Variants in GRB14 observed in about 807,000 individuals in gnomAD.
GRB14 encodes the protein growth factor receptor bound protein 14.
Under a neutral mutation model 69.1 loss-of-function variants are expected in GRB14, and 38 were observed. The ratio of observed to expected loss-of-function variants is 0.55; its 90% CI spans 0.42 to 0.72. The LOEUF is 0.72. Ranked by LOEUF, GRB14 falls within the 30% of genes least tolerant of loss-of-function variation. The pLI is 0.00. For synonymous variants in GRB14, 247 were observed against 241.3 expected, an observed-to-expected ratio of 1.02 and a Z score of -0.22; for missense variants, 666 against 666.1, an observed-to-expected ratio of 1.00 and a Z score of 0.00.
intron 2 of GRB14, among the ~76,000 whole-genome samples, chr2:164,605,248 A>G (rs1421126655): frequency 6.6e-6 from 1 of 152,172 alleles, no homozygotes; most frequent in Non-Finnish European, 1.5e-5. Context: ...ATGAGGAGAG[A>G]GAAATAAAGA....
At chr2:164,531,109 A>G (rs1228343946) in intron 3 of GRB14, among the ~76,000 whole-genome samples, 2 of 152,206 alleles carry the variant, frequency 1.3e-5, no homozygotes, top group Admixed American at 6.5e-5. Flanking sequence ...GGAAGACATC[A>G]AGGTTCTCAG....
chr2:164,521,430 G>A (rs1375303177), intron 6 of GRB14, among the ~76,000 whole-genome samples: 1 of 152,050 alleles, frequency 6.6e-6, no homozygotes, highest in African/African-American at 2.4e-5. Context: ...GCCTGTTGAT[G>A]CGTGCACCAA....
chr2:164,588,683 G>T (rs1229642458), intron 2 of GRB14, among the ~76,000 whole-genome samples: 9 of 152,116 alleles, frequency 5.9e-5, no homozygotes, highest in Non-Finnish European at 1.5e-5. Flanking sequence ...AGTTATTCAG[G>T]TAGACCTCCT....
intron 2 of GRB14, among the ~76,000 whole-genome samples, chr2:164,606,696 G>GA (rs1690048983): frequency 6.6e-6 from 1 of 152,146 alleles, no homozygotes; most frequent in Admixed American, 6.5e-5. Flanking sequence ...ATGACCTACA[G>GA]AGTGTTCCAG....
At chr2:164,602,501 C>T (rs1689941925) in intron 2 of GRB14, among the ~76,000 whole-genome samples, 1 of 152,086 alleles carries the variant, frequency 6.6e-6, no homozygotes, top group Non-Finnish European at 1.5e-5. Flanking sequence ...ACTTGGTTTA[C>T]ACGTACTTCA....
chr2:164,563,705 G>A (rs1157020223), intron 2 of GRB14, among the ~76,000 whole-genome samples: 1 of 152,188 alleles, frequency 6.6e-6, no homozygotes, highest in Non-Finnish European at 1.5e-5. Flanking sequence ...CTTGTAAAGT[G>A]AAAGAAAAAT....
At chr2:164,584,136 C>T (rs531195200) in intron 2 of GRB14, among the ~76,000 whole-genome samples, 3 of 148,314 alleles carry the variant, frequency 2.0e-5, no homozygotes, top group Non-Finnish European at 3.0e-5. Flanking sequence ...GCATCCACCA[C>T]CAGCCTGGCT....
intron 2 of GRB14, among the ~76,000 whole-genome samples, chr2:164,554,675 T>C (rs531393707): frequency 6.6e-6 from 1 of 152,226 alleles, no homozygotes; most frequent in East Asian, 1.9e-4. Context: ...ACATGGCACC[T>C]AGCAATGCAA....
chr2:164,574,939 A>G (rs77727422), intron 2 of GRB14, among the ~76,000 whole-genome samples: 1 of 142,632 alleles, frequency 7.0e-6, no homozygotes, highest in African/African-American at 2.5e-5. Context: ...CAAAATGAAG[A>G]AAAAAAAAAA....
In GRB14 at chr2:164,508,891, C is replaced by T. The variant is rs201181988; in HGVS notation, c.817-39G>A. 72 of 1,371,924 alleles carry T rather than the reference C, an allele frequency of 5.2e-5. No individual in the cohort carries two copies. In the African/African-American group the frequency reaches 9.5e-4, roughly 18 times the overall value. The allele number at this position is 1,371,924 out of a possible 1,614,324, so 85.0% of individuals were successfully genotyped here. ...GTATTGACATGGATACATATTTTTG[C>T]ATTATCTTTTTTGTGTGTTTATATT... On this transcript the variant is annotated intron_variant, in intron 6 of 13. Transcript: ENST00000263915.
intron 9 of GRB14, among the ~76,000 whole-genome samples, chr2:164,498,565 A>C (rs1007014136): frequency 6.6e-6 from 1 of 152,172 alleles, no homozygotes; most frequent in African/African-American, 2.4e-5. Flanking sequence ...ACACCCATGG[A>C]AAATAACAGT....
chr2:164,593,944 G>C (rs1689727080), intron 2 of GRB14, among the ~76,000 whole-genome samples: 1 of 152,150 alleles, frequency 6.6e-6, no homozygotes, highest in Non-Finnish European at 1.5e-5. Flanking sequence ...AGGAAAAACA[G>C]AATGTTTTCA....
intron 2 of GRB14, among the ~76,000 whole-genome samples, chr2:164,608,369 TA>T (rs567652340): frequency 4.0e-5 from 6 of 148,878 alleles, no homozygotes; most frequent in South Asian, 2.2e-4. Flanking sequence ...AGACTCCCTC[TA>T]AAAAAAAAGC....
intron 6 of GRB14, among the ~76,000 whole-genome samples, chr2:164,514,112 A>G (rs1050417617): frequency 2.0e-5 from 3 of 152,252 alleles, no homozygotes; most frequent in Non-Finnish European, 2.9e-5. Flanking sequence ...CCCTGATGAC[A>G]GCATCATAAC....
intron 9 of GRB14, among the ~76,000 whole-genome samples, chr2:164,500,125 G>A (rs1205513416): frequency 2.6e-5 from 4 of 152,054 alleles, no homozygotes; most frequent in South Asian, 2.1e-4. Flanking sequence ...GAGTAGACTC[G>A]CCTTCCCCAA....
intron 2 of GRB14, among the ~76,000 whole-genome samples, chr2:164,618,304 C>T (rs1457970684): frequency 2.0e-5 from 3 of 151,538 alleles, no homozygotes; most frequent in African/African-American, 7.3e-5. Context: ...CCATGGCACA[C>T]AGTCAAATCT....
At chr2:164,583,864 T>C (rs56049666) in intron 2 of GRB14, among the ~76,000 whole-genome samples, 6,029 of 152,298 alleles carry the variant, frequency 0.04, 234 homozygotes, top group African/African-American at 0.098. Context: ...TTTTCTTACT[T>C]GAGGGAGTCT....
At chr2:164,564,915 T>C (rs1280070079) in intron 2 of GRB14, among the ~76,000 whole-genome samples, 1 of 152,118 alleles carries the variant, frequency 6.6e-6, no homozygotes, top group Non-Finnish European at 1.5e-5. Context: ...CTGAGGAGGC[T>C]GAGGCAGGAG....
chr2:164,516,424 G>T (rs1044129273), intron 6 of GRB14, among the ~76,000 whole-genome samples: 3 of 151,798 alleles, frequency 2.0e-5, no homozygotes, highest in Non-Finnish European at 4.4e-5. Context: ...GGAGGCAGAG[G>T]TTGCAGTGAG....
Sources: allele counts gnomAD v4.1 joint callset (sites outside exome capture counted in the v4.1 genomes callset), GRCh38; gene constraint gnomAD v4.1.1; transcripts MANE v1.5; gene names NCBI Gene and HGNC (gene_info 2026-07-23, HGNC 2026-07-21).